The following ANK3 variants were observed in gnomAD, a reference collection of about 807,000 sequenced individuals.
The protein encoded by ANK3 is ankyrin-3.
In ANK3, 57 loss-of-function variants were observed where a neutral mutation model predicts 370.9. The ratio of observed to expected loss-of-function variants is 0.15; its 90% CI spans 0.12 to 0.19. The LOEUF (loss-of-function observed/expected upper bound fraction) is 0.19, where lower values mean the gene tolerates loss of function less well. Ranked by LOEUF, ANK3 falls within the 10% of genes least tolerant of loss-of-function variation. ANK3 has a pLI of 1.00. For missense variants in ANK3, 4,439 were observed against 5,302.1 expected (o/e 0.84, Z 5.06); for synonymous variants, 1,929 against 1,946.3 (o/e 0.99, Z 0.23).
In ANK3 at chr10:60,082,663, A is replaced by T; in HGVS notation, c.4275T>A (p.Pro1425=). ...LKEPKTTKGL[P]QTAVCNLNIT... Reference sequence around the variant, plus strand: ...TATTTAAGTTGCAAACCGCTGTTTGAGGCAGTCCTTTTGTTGTCTTTGGTT... The same window carrying T: ...TATTTAAGTTGCAAACCGCTGTTTGTGGCAGTCCTTTTGTTGTCTTTGGTT... Residue 1425 remains proline, a synonymous_variant, in exon 34 of 44, where the codon CCT becomes CCA. Transcript: ENST00000280772. 6.2e-7 allele frequency: 1 copy of T among 1,614,138 alleles called. No individual in the cohort carries two copies.
At chr10:60,699,938 G>C (rs1379781022) in intron 1 of ANK3, among the ~76,000 whole-genome samples, 1 of 152,088 alleles carries the variant, frequency 6.6e-6, no homozygotes, top group East Asian at 1.9e-4. Flanking sequence ...AATGTACAAA[G>C]AGGCAAATAG....
intron 18 of ANK3, among the ~76,000 whole-genome samples, chr10:60,180,594 C>CAAAAAAACAA (rs2096135810): frequency 1.6e-5 from 1 of 63,414 alleles, no homozygotes; most frequent in Non-Finnish European, 2.7e-5. Context: ...GACTCCGTCT[C>CAAAAAAACAA]AAAAAAAAAA....
chr10:60,333,286 C>T (rs1403198966), intron 1 of ANK3, among the ~76,000 whole-genome samples: 2 of 152,120 alleles, frequency 1.3e-5, no homozygotes, highest in Admixed American at 6.5e-5. Context: ...TCTCCTAATG[C>T]TCTCCCTCCC....
intron 1 of ANK3, among the ~76,000 whole-genome samples, chr10:60,722,927 A>G (rs2079885098): frequency 6.6e-6 from 1 of 152,250 alleles, no homozygotes; most frequent in Non-Finnish European, 1.5e-5. Flanking sequence ...TACAGCCTGT[A>G]GAACCATGAG....
At chr10:60,217,452 A>G (rs973777063) in intron 8 of ANK3, among the ~76,000 whole-genome samples, 6 of 152,086 alleles carry the variant, frequency 3.9e-5, no homozygotes, top group Non-Finnish European at 7.4e-5. Context: ...ATTCTGGTAC[A>G]TCGTCTCTCT....
At chr10:60,481,532 G>A (rs1363616766) in intron 2 of ANK3, among the ~76,000 whole-genome samples, 7 of 152,118 alleles carry the variant, frequency 4.6e-5, no homozygotes, top group African/African-American at 1.4e-4. Flanking sequence ...ATGCAATCTC[G>A]GCTCACTGTA....
chr10:60,196,534 G>A lies in ANK3; in HGVS notation c.1781C>T (p.Ala594Val). 1 of 1,608,878 alleles carries A rather than the reference G, an allele frequency of 6.2e-7. No individual in the cohort carries two copies. Among genetic ancestry groups the A allele is most frequent in the Non-Finnish European group, 8.5e-7 (1 of 1,176,948 alleles). The change falls in exon 15 of 44, where the codon GCT (alanine) becomes GTT (valine). Residue 594 changes from alanine to valine, a missense_variant. Ala to Val is a moderately conservative substitution (Grantham distance 64, BLOSUM62 0). Coordinates refer to ENST00000280772, the MANE Select transcript of ANK3 (RefSeq NM_020987.5). ...LLQKSASPDA[A>V]GKSGLTPLHV... ...TGGCTGGTGACCTCTTACCTTCCCA[G>A]CAGCATCTGGAGATGCACTTTTCTG... is the stretch of plus-strand genomic sequence containing the variant.
At chr10:60,162,981 A>C (rs2095535016) in intron 23 of ANK3, among the ~76,000 whole-genome samples, 1 of 152,204 alleles carries the variant, frequency 6.6e-6, no homozygotes, top group Non-Finnish European at 1.5e-5. Flanking sequence ...TTTTATAGGC[A>C]GTTGCAATTT....
chr10:60,560,986 G>C (rs2077321803), intron 2 of ANK3, among the ~76,000 whole-genome samples: 1 of 151,938 alleles, frequency 6.6e-6, no homozygotes, highest in African/African-American at 2.4e-5. Flanking sequence ...ATATTCCAAA[G>C]AGATTTTTCA....
chr10:60,257,599 T>C lies in ANK3; in HGVS notation c.798+4260A>G, dbSNP rs10994288. On this transcript the variant is annotated intron_variant, in intron 7 of 43. Coordinates refer to ENST00000280772, the MANE Select transcript of ANK3 (RefSeq NM_020987.5). ...TCTATAGGTAACTACAGGATTTCAG[T>C]TGTCAAAAGTGGAAACTCTATTATC... Among the ~76,000 whole-genome samples the C allele has an allele frequency of 8.0e-3, 1,214 of 152,354 alleles. 11 individuals are homozygous for C. Among genetic ancestry groups the C allele is most frequent in the Non-Finnish European group, 0.011 (718 of 68,030 alleles).
chr10:60,310,092 A>T lies in ANK3; in HGVS notation c.115-30453T>A, dbSNP rs1484534552. ...AGTTATGTGCCACTATACCCAGCTA[A>T]TTTTTTATTTTTTGTAGAGATGGGG... is the stretch of plus-strand genomic sequence containing the variant. On this transcript the variant is annotated intron_variant, in intron 1 of 43. Coordinates refer to ENST00000280772, the MANE Select transcript of ANK3 (RefSeq NM_020987.5). 3.3e-5 allele frequency among the ~76,000 whole-genome samples: 5 copies of T among 151,570 alleles called. No homozygotes were observed. The East Asian group carries it at 9.7e-4, about 29-fold the overall frequency.
intron 2 of ANK3, among the ~76,000 whole-genome samples, chr10:60,510,697 G>A (rs1306902215): frequency 2.0e-5 from 3 of 152,040 alleles, no homozygotes; most frequent in Non-Finnish European, 4.4e-5. Context: ...GCAGATGCCT[G>A]TAATCCCAGC....
intron 7 of ANK3, among the ~76,000 whole-genome samples, chr10:60,240,105 A>C (rs9663487): frequency 7.1e-6 from 1 of 141,762 alleles, no homozygotes; most frequent in African/African-American, 2.6e-5. Context: ...CACACACATA[A>C]ATACATATAT....
chr10:60,305,614 G>A (rs2044856622), intron 1 of ANK3, among the ~76,000 whole-genome samples: 1 of 152,140 alleles, frequency 6.6e-6, no homozygotes, highest in African/African-American at 2.4e-5. Context: ...CCCACTCCAG[G>A]ATAAATAATC....
chr10:60,336,704 A>G (rs2053040192), intron 1 of ANK3, among the ~76,000 whole-genome samples: 1 of 152,236 alleles, frequency 6.6e-6, no homozygotes, highest in Non-Finnish European at 1.5e-5. Context: ...TGTGCATTTT[A>G]CGTAAGACAA....
At chr10:60,190,603 C>T (rs1408507235) in intron 16 of ANK3, among the ~76,000 whole-genome samples, 1 of 152,196 alleles carries the variant, frequency 6.6e-6, no homozygotes, top group Non-Finnish European at 1.5e-5. Context: ...GTTGTGCTGA[C>T]TTTCTTGCTG....
rs186710640 is a variant in ANK3 at position 60,029,624 on chromosome 10, T to C, written c.*222A>G. The C allele has an allele frequency of 1.2e-3, 185 of 152,710 alleles. 1 individual carries two copies. The highest frequency in any genetic ancestry group is 1.5e-4 in the Non-Finnish European group (10 of 68,024). The allele number at this position is 152,710 out of a possible 1,614,324, so 9.5% of individuals were successfully genotyped here. On this transcript the variant is annotated 3_prime_UTR_variant, in exon 44 of 44. Transcript: ENST00000280772. ...AATTGCACACGCGCCAATCCGGAAATGAAAGTGATTTCCATGCTCTGTAAA... is the reference window on the plus strand; with the variant it reads ...AATTGCACACGCGCCAATCCGGAAACGAAAGTGATTTCCATGCTCTGTAAA...
rs1417382 is a variant in ANK3, at chr10:60,212,683, G to A, written c.996+729C>T. On this transcript the variant is annotated intron_variant, in intron 9 of 43. Coordinates refer to ENST00000280772, the MANE Select transcript of ANK3 (RefSeq NM_020987.5). ...GGAAACACTGACCAGAGTGAAGACAGAAATAATATGTGCTTTTGTTGCTTT... is the reference window on the plus strand; with the variant it reads ...GGAAACACTGACCAGAGTGAAGACAAAAATAATATGTGCTTTTGTTGCTTT... Among the ~76,000 whole-genome samples the A allele has an allele frequency of 2.4e-3, 362 of 152,210 alleles. 1 individual carries two copies. The highest frequency in any genetic ancestry group is 8.4e-3 in the African/African-American group (350 of 41,540).
At chr10:60,261,167 A>G (rs1436376554) in intron 7 of ANK3, among the ~76,000 whole-genome samples, 1 of 152,232 alleles carries the variant, frequency 6.6e-6, no homozygotes, top group Non-Finnish European at 1.5e-5. Flanking sequence ...AAGGAGTCTC[A>G]GAGTCCAGGA....
Sources: allele counts gnomAD v4.1 joint callset (sites outside exome capture counted in the v4.1 genomes callset), GRCh38; gene constraint gnomAD v4.1.1; transcripts MANE v1.5; gene names NCBI Gene and HGNC (gene_info 2026-07-23, HGNC 2026-07-21).